LRFN5: variants seen among roughly 807,000 people sequenced by gnomAD.
The protein encoded by LRFN5 is leucine-rich repeat and fibronectin type-III domain-containing protein 5.
In LRFN5, 24 loss-of-function variants were observed where a neutral mutation model predicts 45.6. The ratio of observed to expected loss-of-function variants is 0.53; its 90% CI spans 0.38 to 0.74. The LOEUF (loss-of-function observed/expected upper bound fraction) is 0.74, where lower values mean the gene tolerates loss of function less well. LRFN5 is among the 30% of genes least tolerant of loss of function. LRFN5 has a pLI of 0.00. For missense variants in LRFN5, 776 were observed against 861.5 expected, an observed-to-expected ratio of 0.90 and a Z score of 1.24; for synonymous variants, 340 against 313.8, an observed-to-expected ratio of 1.08 and a Z score of -0.88.
chr14:41,650,145 A>G (rs1880025415), intron 1 of LRFN5, among the ~76,000 whole-genome samples: 1 of 151,880 alleles, frequency 6.6e-6, no homozygotes, highest in Admixed American at 6.6e-5. Context: ...CTGTAATCCC[A>G]GCACTTTGGG....
At chr14:41,801,845 A>G (rs964144083) in intron 2 of LRFN5, among the ~76,000 whole-genome samples, 2 of 152,156 alleles carry the variant, frequency 1.3e-5, no homozygotes, top group African/African-American at 4.8e-5. Flanking sequence ...GACGAGTCTC[A>G]TCTTACTTGC....
intron 2 of LRFN5, among the ~76,000 whole-genome samples, chr14:41,816,897 C>A (rs1887937315): frequency 6.6e-6 from 1 of 151,106 alleles, no homozygotes. Flanking sequence ...TCTAGAATTC[C>A]TGTGACACAC....
intron 2 of LRFN5, among the ~76,000 whole-genome samples, chr14:41,830,340 A>C (rs1888436970): frequency 6.6e-6 from 1 of 152,118 alleles, no homozygotes; most frequent in South Asian, 2.1e-4. Flanking sequence ...ATTCTAACTT[A>C]GCTTTCAAAA....
At chr14:41,714,625 G>A (rs1369402285) in intron 1 of LRFN5, among the ~76,000 whole-genome samples, 1 of 152,136 alleles carries the variant, frequency 6.6e-6, no homozygotes, top group Non-Finnish European at 1.5e-5. Context: ...CTAAAAATCA[G>A]CTGGATGTGG....
At chr14:41,778,276 A>G (rs995473753) in intron 2 of LRFN5, among the ~76,000 whole-genome samples, 1 of 151,718 alleles carries the variant, frequency 6.6e-6, no homozygotes, top group Non-Finnish European at 1.5e-5. Flanking sequence ...ATTTGAAACA[A>G]CATGACTCTT....
intron 1 of LRFN5, among the ~76,000 whole-genome samples, chr14:41,669,919 T>G (rs1362916418): frequency 6.8e-6 from 1 of 147,930 alleles, no homozygotes; most frequent in Non-Finnish European, 1.5e-5. Context: ...TGGAAAAGCA[T>G]TCAAGCTATA....
chr14:41,665,284 G>A (rs150841439), intron 1 of LRFN5, among the ~76,000 whole-genome samples: 2 of 151,640 alleles, frequency 1.3e-5, no homozygotes, highest in Admixed American at 1.3e-4. Context: ...GTATGTGAAG[G>A]ATAAAGAAAA....
In LRFN5 at chr14:41,874,748, C is replaced by T. The variant is rs2006821; in HGVS notation, c.-20-11858C>T. ...TCTCACACTCCTAATAAAGACATACCCAAGATTGGGTAATTTATAAAGAAA... is the reference window on the plus strand; with the variant it reads ...TCTCACACTCCTAATAAAGACATACTCAAGATTGGGTAATTTATAAAGAAA... On this transcript the variant is annotated intron_variant, in intron 2 of 5. Coordinates refer to ENST00000298119, the MANE Select transcript of LRFN5 (RefSeq NM_152447.5). 0.04 allele frequency among the ~76,000 whole-genome samples: 6,057 copies of T among 152,032 alleles called. 794 individuals carry two copies. The East Asian group carries it at 0.48, about 12-fold the overall frequency.
At chr14:41,839,164 G>A (rs866986508) in intron 2 of LRFN5, among the ~76,000 whole-genome samples, 2 of 151,848 alleles carry the variant, frequency 1.3e-5, no homozygotes, top group African/African-American at 4.8e-5. Flanking sequence ...TAATTTCTAC[G>A]ATTTAGACAG....
intron 1 of LRFN5, among the ~76,000 whole-genome samples, chr14:41,639,279 C>T (rs1354112877): frequency 6.6e-6 from 1 of 152,088 alleles, no homozygotes. Flanking sequence ...AAAGGATGGA[C>T]AGTCTGATAA....
chr14:41,701,967 G>T (rs1023895106), intron 1 of LRFN5, among the ~76,000 whole-genome samples: 4 of 152,080 alleles, frequency 2.6e-5, no homozygotes, highest in African/African-American at 9.7e-5. Flanking sequence ...GAGGAGCACT[G>T]GTAGGTAGTG....
At chr14:41,701,373 G>A (rs1157962447) in intron 1 of LRFN5, 2 of 152,090 alleles carry the variant, frequency 1.3e-5, no homozygotes, top group African/African-American at 4.8e-5. Flanking sequence ...ACCTAAGCTT[G>A]TATTTAAACT....
At chr14:41,861,883 T>C (rs1268376679) in intron 2 of LRFN5, among the ~76,000 whole-genome samples, 1 of 152,148 alleles carries the variant, frequency 6.6e-6, no homozygotes, top group Non-Finnish European at 1.5e-5. Context: ...TTGATGTGGT[T>C]TGGCTCTGTG....
At chr14:41,883,740 T>C (rs1233733325) in intron 2 of LRFN5, among the ~76,000 whole-genome samples, 2 of 152,216 alleles carry the variant, frequency 1.3e-5, no homozygotes, top group Non-Finnish European at 2.9e-5. Flanking sequence ...ACATTTAAGA[T>C]TATTTTTCCT....
At chr14:41,867,776 C>T (rs1324876837) in intron 2 of LRFN5, among the ~76,000 whole-genome samples, 1 of 152,062 alleles carries the variant, frequency 6.6e-6, no homozygotes, top group Non-Finnish European at 1.5e-5. Context: ...CCTTTTTTCA[C>T]TTCCTTGCTC....
chr14:41,678,341 C>G (rs10150353), intron 1 of LRFN5, among the ~76,000 whole-genome samples: 1 of 151,628 alleles, frequency 6.6e-6, no homozygotes, highest in Non-Finnish European at 1.5e-5. Context: ...GGTTGAAAAC[C>G]TCTCAAATTT....
At chr14:41,763,493 A>T (rs1037690219) in intron 1 of LRFN5, among the ~76,000 whole-genome samples, 1 of 152,020 alleles carries the variant, frequency 6.6e-6, no homozygotes, top group Non-Finnish European at 1.5e-5. Context: ...TTGGCACCTT[A>T]TGTGGTTTGG....
chr14:41,656,938 C>A (rs1015043312), intron 1 of LRFN5, among the ~76,000 whole-genome samples: 2 of 151,910 alleles, frequency 1.3e-5, no homozygotes, highest in Admixed American at 6.6e-5. Context: ...TTTTACCACT[C>A]ATAGACAGTT....
chr14:41,814,707 C>T (rs1021661871), intron 2 of LRFN5, among the ~76,000 whole-genome samples: 5 of 152,128 alleles, frequency 3.3e-5, no homozygotes, highest in Non-Finnish European at 7.4e-5. Context: ...CACAACTAAC[C>T]TACAGAAATG....
Sources: gnomAD v4.1 joint callset for allele counts (sites outside exome capture counted in the v4.1 genomes callset) on GRCh38, gnomAD v4.1.1 for gene constraint, MANE v1.5 for transcripts, NCBI Gene and HGNC (gene_info 2026-07-23, HGNC 2026-07-21) for gene names.